The following KDM2A variants were observed in gnomAD, a reference collection of about 807,000 sequenced individuals.
The protein encoded by KDM2A is lysine demethylase 2A.
A neutral mutation model predicts 137.3 loss-of-function variants in KDM2A; 3 were observed. The ratio of observed to expected loss-of-function variants is 0.02; its 90% CI spans 0.01 to 0.06. The LOEUF (loss-of-function observed/expected upper bound fraction) is 0.06. KDM2A is among the 10% of genes least tolerant of loss of function. The probability of loss-of-function intolerance (pLI) is 1.00; values close to 1 mark genes in which losing one functional copy is unlikely to be tolerated. For synonymous variants in KDM2A, 512 were observed against 541.5 expected, an observed-to-expected ratio of 0.95 and a Z score of 0.76; for missense variants, 738 against 1,510.6, an observed-to-expected ratio of 0.49 and a Z score of 8.48.
chr11:67,213,468 A>T (rs1858056903), intron 6 of KDM2A, among the ~76,000 whole-genome samples: 1 of 152,114 alleles, frequency 6.6e-6, no homozygotes, highest in South Asian at 2.1e-4. Flanking sequence ...TATTATTTAA[A>T]AGATTCCTGG....
At chr11:67,247,287 A>G (rs1859279154) in intron 15 of KDM2A, among the ~76,000 whole-genome samples, 1 of 149,110 alleles carries the variant, frequency 6.7e-6, no homozygotes, top group East Asian at 1.9e-4. Flanking sequence ...ATGGGGTGTC[A>G]CCGTGTTGGC....
intron 2 of KDM2A, among the ~76,000 whole-genome samples, chr11:67,165,455 T>G (rs1433936820): frequency 6.6e-6 from 1 of 152,170 alleles, no homozygotes; most frequent in Non-Finnish European, 1.5e-5. Flanking sequence ...TGCCAGTTCC[T>G]TCTAAAGCTT....
intron 5 of KDM2A, among the ~76,000 whole-genome samples, chr11:67,186,310 A>G (rs1218463308): frequency 6.6e-6 from 1 of 152,230 alleles, no homozygotes; most frequent in Non-Finnish European, 1.5e-5. Context: ...CGAATTTCTC[A>G]TCAGAAACTT....
intron 2 of KDM2A, among the ~76,000 whole-genome samples, chr11:67,127,791 T>G (rs1168665584): frequency 1.3e-5 from 2 of 152,088 alleles, no homozygotes; most frequent in Non-Finnish European, 2.9e-5. Context: ...CACCGCAACC[T>G]CCCTCTCCTG....
chr11:67,119,882 G>A lies in KDM2A; in HGVS notation c.-251G>A, dbSNP rs1231613714. On this transcript the variant is annotated 5_prime_UTR_variant, in exon 1 of 21. Transcript: ENST00000529006. The stretch of plus-strand genomic sequence containing the variant: ...CCGGTCTCCAAAGCCAGAAGAGAAG[G>A]TTTGATTCAGCAACTGTTTGCTCCC... 1 of 152,172 alleles carries A rather than the reference G, an allele frequency of 6.6e-6. No individual in the cohort carries two copies. Among genetic ancestry groups the A allele is most frequent in the East Asian group, 1.9e-4 (1 of 5,190 alleles). The allele number at this position is 152,172 out of a possible 1,614,324, so 9.4% of individuals were successfully genotyped here.
chr11:67,229,588 G>A (rs1210374317), intron 11 of KDM2A, among the ~76,000 whole-genome samples: 1 of 152,116 alleles, frequency 6.6e-6, no homozygotes, highest in African/African-American at 2.4e-5. Flanking sequence ...AATAAAAAAT[G>A]GGCCTGGCAC....
intron 2 of KDM2A, among the ~76,000 whole-genome samples, chr11:67,136,090 A>G (rs1425244655): frequency 1.3e-5 from 2 of 152,222 alleles, no homozygotes; most frequent in Non-Finnish European, 2.9e-5. Flanking sequence ...CACACTGCAT[A>G]TTTGAAAGTA....
At chr11:67,142,661 A>G (rs9943601) in intron 2 of KDM2A, among the ~76,000 whole-genome samples, 40,744 of 150,282 alleles carry the variant, frequency 0.27, 11,374 homozygotes, top group African/African-American at 0.7. Flanking sequence ...CCGAGATTGC[A>G]CCATCGCACT....
chr11:67,151,541 G>C (rs1211995992), intron 2 of KDM2A, among the ~76,000 whole-genome samples: 2 of 151,814 alleles, frequency 1.3e-5, no homozygotes, highest in Non-Finnish European at 2.9e-5. Context: ...GTAGAGACCG[G>C]GGTTTCACCA....
intron 8 of KDM2A, chr11:67,217,529 G>A (rs928707619): frequency 1.2e-5 from 7 of 583,486 alleles, no homozygotes; most frequent in Non-Finnish European, 1.8e-5. Flanking sequence ...AAGCCTTAAT[G>A]CTGTTGGATC....
chr11:67,227,234 A>G (rs758217107), intron 10 of KDM2A, among the ~76,000 whole-genome samples: 39 of 152,218 alleles, frequency 2.6e-4, no homozygotes, highest in Non-Finnish European at 5.0e-4. Context: ...CAAGCTGAGC[A>G]TCGATAGTGG....
chr11:67,247,154 ACCTCGTCTCACTGCAAC>A (rs1859274670), intron 15 of KDM2A, among the ~76,000 whole-genome samples: 1 of 120,422 alleles, frequency 8.3e-6, no homozygotes, highest in Non-Finnish European at 1.6e-5. Flanking sequence ...CAGTGGCGTG[ACCTCGTCTCACTGCAAC>A]CTTTGTCTCT....
chr11:67,168,076 T>C (rs931438484), intron 2 of KDM2A, among the ~76,000 whole-genome samples: 1 of 152,234 alleles, frequency 6.6e-6, no homozygotes, highest in African/African-American at 2.4e-5. Context: ...CATCATGAGA[T>C]ATGAAATTAT....
At chr11:67,175,168 G>T (rs2136329879) in intron 2 of KDM2A, among the ~76,000 whole-genome samples, 1 of 152,290 alleles carries the variant, frequency 6.6e-6, no homozygotes, top group Middle Eastern at 3.4e-3. Flanking sequence ...TGTGAGGATT[G>T]AATGTTTTTA....
chr11:67,144,557 A>AT (rs1565376350), intron 2 of KDM2A, among the ~76,000 whole-genome samples: 2 of 135,584 alleles, frequency 1.5e-5, no homozygotes, highest in African/African-American at 2.8e-5. Context: ...CGGCCCCAAC[A>AT]TTTTTTTTAA....
intron 11 of KDM2A, among the ~76,000 whole-genome samples, chr11:67,229,218 T>A (rs1858637684): frequency 6.6e-6 from 1 of 152,198 alleles, no homozygotes; most frequent in African/African-American, 2.4e-5. Flanking sequence ...CAAGGATATT[T>A]AAAAACTTGT....
At chr11:67,230,931 C>CA (rs879813930) in intron 11 of KDM2A, among the ~76,000 whole-genome samples, 51 of 137,696 alleles carry the variant, frequency 3.7e-4, no homozygotes, top group Middle Eastern at 3.6e-3. Context: ...AAACTTCAGA[C>CA]AAAAAAAAAA....
Position 67,254,297 on chromosome 11 carries a change from C to T in KDM2A, c.3186C>T (p.His1062=). Residue 1062 remains histidine (H), a synonymous_variant, in exon 20 of 21, where the codon CAC becomes CAT. Coordinates refer to ENST00000529006, the MANE Select transcript of KDM2A (RefSeq NM_012308.3). The surrounding 1 kb of genome is among the most constrained non-coding windows in gnomAD (Gnocchi z 4.7). ...TDATLRLIIR[H]MPLLSRLDLS... ...CCACGCTTCGCCTCATAATTCGCCA[C>T]ATGCCCCTCCTGTCTCGACTCGACC... The T allele has an allele frequency of 6.2e-7, 1 of 1,614,090 alleles. No individual in the cohort carries two copies. Among genetic ancestry groups the T allele is most frequent in the South Asian group, 1.1e-5 (1 of 91,092 alleles).
intron 6 of KDM2A, among the ~76,000 whole-genome samples, chr11:67,207,931 T>G (rs1279038607): frequency 6.6e-6 from 1 of 151,974 alleles, no homozygotes; most frequent in Non-Finnish European, 1.5e-5. Context: ...CTCAAGAGGC[T>G]GAGGTGGGAG....
Sources: allele counts gnomAD v4.1 joint callset (sites outside exome capture counted in the v4.1 genomes callset), GRCh38; gene constraint gnomAD v4.1.1; non-coding constraint Gnocchi (gnomAD v3.1); transcripts MANE v1.5; gene names NCBI Gene and HGNC (gene_info 2026-07-23, HGNC 2026-07-21).